IGSF9: variants seen among roughly 807,000 people sequenced by gnomAD.
The protein encoded by IGSF9 is protein turtle homolog A.
In IGSF9, 87 loss-of-function variants were observed where a neutral mutation model predicts 121.7. That is an observed-to-expected ratio of 0.71 (90% confidence interval 0.60 to 0.85). The LOEUF is 0.85. IGSF9 is among the 40% of genes least tolerant of loss of function. The pLI is 0.00. For synonymous variants in IGSF9, 640 were observed against 648.4 expected, an observed-to-expected ratio of 0.99 and a Z score of 0.20; for missense variants, 1,462 against 1,565.3, an observed-to-expected ratio of 0.93 and a Z score of 1.11.
In IGSF9 at chr1:159,929,830, C is replaced by T. The variant is rs750260164; in HGVS notation, c.2150-16G>A. On this transcript the variant is annotated splice_polypyrimidine_tract_variant and intron_variant, in intron 16 of 20. Transcript: ENST00000368094. ...ACCTCCAGACCTAGGCAGGGGTCCA[C>T]GAGGGAGGGTCAGTGGACTCGGAGC... 11 of 1,598,666 alleles carry T rather than the reference C, an allele frequency of 6.9e-6. No homozygotes were observed. The highest frequency in any genetic ancestry group is 1.1e-5 in the South Asian group (1 of 88,788).
At position 159,927,619 on chromosome 1, in the gene IGSF9, A is replaced by G. The variant is rs1342513800; in HGVS notation, c.3359-93T>C. The G allele has an allele frequency of 1.1e-5, 17 of 1,542,964 alleles. No homozygotes were observed. The South Asian group carries it at 1.5e-4, about 13-fold the overall frequency. Reference sequence around the variant, plus strand: ...AGCTCGCTAGGCCCTTCCAGTACAGATGGCCCAAGGGGGCAAGGCACAGTC... The same window carrying G: ...AGCTCGCTAGGCCCTTCCAGTACAGGTGGCCCAAGGGGGCAAGGCACAGTC... On this transcript the variant is annotated intron_variant, in intron 20 of 20. Transcript: ENST00000368094.
At chr1:159,940,332 C>G (rs1651334936) in intron 3 of IGSF9, among the ~76,000 whole-genome samples, 1 of 152,196 alleles carries the variant, frequency 6.6e-6, no homozygotes, top group South Asian at 2.1e-4. Context: ...TACTGCATGT[C>G]CTAGCTTTTC....
intron 1 of IGSF9, 58 bp from the exon 2 acceptor site, chr1:159,943,686 A>C: frequency 5.0e-6 from 2 of 396,658 alleles, no homozygotes; most frequent in Non-Finnish European, 8.9e-6. Context: ...CCCAGAAGAA[A>C]CCCCACCATT....
Position 159,928,162 on chromosome 1 carries a change from T to C in IGSF9, c.3226A>G (p.Lys1076Glu), listed in dbSNP as rs781407635. The C allele has an allele frequency of 6.2e-7, 1 of 1,606,900 alleles. No homozygotes were observed. Among genetic ancestry groups the C allele is most frequent in the Non-Finnish European group, 8.5e-7 (1 of 1,179,778 alleles). Residue 1076 changes from lysine (K) to glutamate (E), a missense_variant, in exon 19 of 21, where the codon AAG becomes GAG. Physicochemically the swap from Lys to Glu is moderately conservative, Grantham distance 56 (BLOSUM62 1). Around this residue, in one of 3 missense-constraint regions of IGSF9, gnomAD observed 808 missense variants for 815.2 expected, o/e 0.99. Transcript: ENST00000368094. ...ATGGGCAGGGACTGCTCTCACCTCT[T>C]GCTGACTGTCACCACATGCTCCCTT... ...PRREHVVTVSKRRNTSVDENY... is the reference protein window; with the variant it reads ...PRREHVVTVSERRNTSVDENY...
intron 3 of IGSF9, 146 bp from the exon 4 acceptor site, chr1:159,937,984 G>C: frequency 1.2e-6 from 1 of 863,216 alleles, no homozygotes; most frequent in Non-Finnish European, 1.8e-6. Flanking sequence ...ACGCAGATGA[G>C]GTTGGGGTCA....
chr1:159,938,997 G>C (rs1453836176), intron 3 of IGSF9, among the ~76,000 whole-genome samples: 2 of 152,022 alleles, frequency 1.3e-5, no homozygotes, highest in Non-Finnish European at 2.9e-5. Context: ...ACCTTATCAG[G>C]AACCTGGCAT....
rs1553225973 is a variant in IGSF9, at chr1:159,927,097, CAGAGAGAGAGAG to C, written c.*236_*247del. ...AACTTCACACACACACACACACACA[CAGAGAGAGAGAG>C]AGAGAGAGAGAGAGAGAGAGAGGCA... On this transcript the variant is annotated 3_prime_UTR_variant, in exon 21 of 21. Coordinates refer to ENST00000368094, the MANE Select transcript of IGSF9 (RefSeq NM_001135050.2). 507 of 371,780 alleles carry C rather than the reference CAGAGAGAGAGAG, an allele frequency of 1.4e-3. 1 individual carries two copies. The highest frequency in any genetic ancestry group is 7.9e-3 in the African/African-American group (335 of 42,320). The allele number at this position is 371,780 out of a possible 1,614,324, so 23.0% of individuals were successfully genotyped here.
chr1:159,943,761 G>A, intron 1 of IGSF9, 133 bp from the exon 2 acceptor site: 1 of 342,852 alleles, frequency 2.9e-6, no homozygotes, highest in South Asian at 1.4e-4. Context: ...GGGGGAAGGG[G>A]GGGATCTTGA....
chr1:159,928,427 C>A lies in IGSF9; in HGVS notation c.2961G>T (p.Gly987=). The change falls in exon 19 of 21, where the codon GGG becomes GGT. Residue 987 remains glycine, a synonymous_variant. Coordinates refer to ENST00000368094, the MANE Select transcript of IGSF9 (RefSeq NM_001135050.2). ...AAGGGGGCTCTGCAGTGGCCCCAGCCCCTACCACAGCCCCAGGAAGTGATT... is the reference window on the plus strand; with the variant it reads ...AAGGGGGCTCTGCAGTGGCCCCAGCACCTACCACAGCCCCAGGAAGTGATT... ...PRESLPGAVV[G]AGATAEPPYT... is the part of the protein sequence containing the mutation. 1 of 1,604,750 alleles carries A rather than the reference C, an allele frequency of 6.2e-7. No homozygotes were observed. Among genetic ancestry groups the A allele is most frequent in the South Asian group, 1.1e-5 (1 of 89,860 alleles).
rs1651119339 is a variant in IGSF9 at position 159,934,555 on chromosome 1, C to A, written c.831G>T (p.Arg277=). Residue 277 remains arginine (R), a synonymous_variant, in exon 8 of 21, where the codon CGG becomes CGT. Transcript: ENST00000368094. ...GGCTCCCGTCCACCAGGATCCGCACCCGGGGCTGCAGGCGGCTGCAATGTG... is the reference window on the plus strand; with the variant it reads ...GGCTCCCGTCCACCAGGATCCGCACACGGGGCTGCAGGCGGCTGCAATGTG... ...NVFHISRLQP[R]VRILVDGSLR... 6.2e-7 allele frequency: 1 copy of A among 1,613,748 alleles called. No homozygotes were observed. The highest frequency in any genetic ancestry group is 8.5e-7 in the Non-Finnish European group (1 of 1,179,856).
intron 1 of IGSF9, among the ~76,000 whole-genome samples, chr1:159,944,267 G>A (rs1020247018): frequency 7.2e-5 from 11 of 152,106 alleles, no homozygotes; most frequent in African/African-American, 2.2e-4. Context: ...CTGAGGACCC[G>A]AGGCCTTTCT....
In IGSF9 at chr1:159,932,744, C is replaced by T; in HGVS notation, c.1105-92G>A. The T allele has an allele frequency of 7.7e-7, 1 of 1,296,966 alleles. No individual in the cohort carries two copies. Among genetic ancestry groups the T allele is most frequent in the East Asian group, 2.5e-5 (1 of 39,788 alleles). 80.3% of individuals were successfully genotyped at this position (1,296,966 alleles called of 1,614,324 possible). A position where few individuals can be genotyped will look rare whatever the true frequency, so the allele number is the denominator to read the frequency against. On this transcript the variant is annotated intron_variant, in intron 9 of 20. Transcript: ENST00000368094. This position sits in a 1 kb window ranked among gnomAD's most constrained non-coding sequence, Gnocchi z 4.1. ...CAAGAGAGGGGGCAGGATGAGAAACCCACAGCTGTGCAGAAGACTCCAGCA... is the reference window on the plus strand; with the variant it reads ...CAAGAGAGGGGGCAGGATGAGAAACTCACAGCTGTGCAGAAGACTCCAGCA...
intron 15 of IGSF9, 65 bp downstream of exon 15, chr1:159,930,124 G>A (rs1052818005): frequency 1.2e-5 from 19 of 1,554,914 alleles, no homozygotes; most frequent in Admixed American, 1.8e-5. Context: ...ATAGAGTTTG[G>A]GGAATGGAGA....
Position 159,930,710 on chromosome 1 carries a change from C to A in IGSF9, c.1795G>T (p.Val599Phe). 1 of 1,614,114 alleles carries A rather than the reference C, an allele frequency of 6.2e-7. No homozygotes were observed. The highest frequency in any genetic ancestry group is 2.2e-5 in the East Asian group (1 of 44,876). The change falls in exon 14 of 21, where the codon GTC (valine) becomes TTC (phenylalanine). Residue 599 changes from valine (V) to phenylalanine (F), a missense_variant. Physicochemically the swap from Val to Phe is conservative, Grantham distance 50 (BLOSUM62 -1). This residue lies in a region of IGSF9 where 808 missense variants were observed against 815.2 expected (regional missense o/e 0.99). Coordinates refer to ENST00000368094, the MANE Select transcript of IGSF9 (RefSeq NM_001135050.2). Reference protein sequence around the residue: ...KLGSGPFSEIVLSAPEGLPTT... With the variant: ...KLGSGPFSEIFLSAPEGLPTT... Reference sequence around the variant, plus strand: ...TTCTCACCTTCCGGAGCAGACAAGACGATTTCGCTGAAGGGACCACTCCCC... The same window carrying A: ...TTCTCACCTTCCGGAGCAGACAAGAAGATTTCGCTGAAGGGACCACTCCCC...
intron 19 of IGSF9, 47 bp downstream of exon 19, chr1:159,928,111 G>A (rs774294640): frequency 3.8e-6 from 6 of 1,585,746 alleles, no homozygotes; most frequent in South Asian, 3.4e-5. Context: ...TGAGAGGTCT[G>A]GGGTGGGACT....
Position 159,930,878 on chromosome 1 carries a change from T to G in IGSF9, c.1638-11A>C. The G allele has an allele frequency of 6.3e-7, 1 of 1,593,796 alleles. No homozygotes were observed. Among genetic ancestry groups the G allele is most frequent in the East Asian group, 2.2e-5 (1 of 44,488 alleles). On this transcript the variant is annotated splice_polypyrimidine_tract_variant and intron_variant, in intron 13 of 20. Transcript: ENST00000368094. The stretch of plus-strand genomic sequence containing the variant: ...TCAGGACGCTTGGCCCTGGGAGACA[T>G]GAGGACATGGGGGGCACCTCGTGAG...
chr1:159,931,905 C>T lies in IGSF9; in HGVS notation c.1269G>A (p.Arg423=). The change falls in exon 11 of 21, where the codon CGG becomes CGA. Residue 423 remains arginine, a synonymous_variant. Coordinates refer to ENST00000368094, the MANE Select transcript of IGSF9 (RefSeq NM_001135050.2). This position sits in a 1 kb window ranked among gnomAD's most constrained non-coding sequence, Gnocchi z 4.8. ...LLKAPPAFIE[R]PKEEYFQEVG... is the part of the protein sequence containing the mutation. ...CTTCTTGGAAATATTCTTCCTTGGGCCGCTCTATAAAAGCTGGGGGAGCCT... is the reference window on the plus strand; with the variant it reads ...CTTCTTGGAAATATTCTTCCTTGGGTCGCTCTATAAAAGCTGGGGGAGCCT... 6.3e-7 allele frequency: 1 copy of T among 1,596,600 alleles called. No homozygotes were observed.
rs12139175 is a variant in IGSF9, at chr1:159,932,996, C to G, written c.1105-344G>C. The G allele has an allele frequency of 0.31, 60,505 of 195,320 alleles. 10,249 individuals carry two copies. The highest frequency in any genetic ancestry group is 0.48 in the East Asian group (3,929 of 8,172). 12.1% of individuals were successfully genotyped at this position (195,320 alleles called of 1,614,324 possible). Reference sequence around the variant, plus strand: ...AGCACTCCACAACTAAGTTCAGAGTCTTCCACCCAAAACCAGCTCCTATTT... The same window carrying G: ...AGCACTCCACAACTAAGTTCAGAGTGTTCCACCCAAAACCAGCTCCTATTT... On this transcript the variant is annotated intron_variant, in intron 9 of 20. Transcript: ENST00000368094. This position sits in a 1 kb window ranked among gnomAD's most constrained non-coding sequence, Gnocchi z 4.1.
At chr1:159,929,157 G>T in intron 18 of IGSF9, 139 bp from the exon 19 acceptor site, 1 of 1,335,232 alleles carries the variant, frequency 7.5e-7, no homozygotes, top group Non-Finnish European at 1.0e-6. Context: ...CAAGGTGGAG[G>T]GGTGGAGGGA....
Sources: gnomAD v4.1 joint callset for allele counts (sites outside exome capture counted in the v4.1 genomes callset) on GRCh38, gnomAD v4.1.1 for gene constraint, gnomAD v4.1.1 regional missense constraint, Gnocchi (gnomAD v3.1) non-coding constraint, MANE v1.5 for transcripts, NCBI Gene and HGNC (gene_info 2026-07-23, HGNC 2026-07-21) for gene names.